Variants in ASXL2 observed in about 807,000 individuals in gnomAD.
The protein encoded by ASXL2 is putative Polycomb group protein ASXL2.
Under a neutral mutation model 122.0 loss-of-function variants are expected in ASXL2, and 23 were observed. That is an observed-to-expected ratio of 0.19 (90% confidence interval 0.14 to 0.27). ASXL2 has a LOEUF of 0.27. Among genes scored for constraint, ASXL2 ranks in the 10% least tolerant of loss-of-function variants. The pLI is 1.00. For missense variants in ASXL2, 1,518 were observed against 1,713.8 expected, an observed-to-expected ratio of 0.89 and a Z score of 2.02; for synonymous variants, 650 against 637.0, an observed-to-expected ratio of 1.02 and a Z score of -0.31.
Position 25,740,138 on chromosome 2 carries a change from T to A in ASXL2, c.*1891A>T. Reference sequence around the variant, plus strand: ...ACAGACATATCGTTCTGGCTGAAGCTGGAACACAGATATTAATCCTATATT... The same window carrying A: ...ACAGACATATCGTTCTGGCTGAAGCAGGAACACAGATATTAATCCTATATT... On this transcript the variant is annotated 3_prime_UTR_variant, in exon 13 of 13. Transcript: ENST00000435504. The A allele has an allele frequency of 8.9e-6, 2 of 223,964 alleles. No individual in the cohort carries two copies. 13.9% of individuals were successfully genotyped at this position (223,964 alleles called of 1,614,324 possible).
chr2:25,820,475 G>C (rs578016439), intron 3 of ASXL2, among the ~76,000 whole-genome samples: 2 of 152,190 alleles, frequency 1.3e-5, no homozygotes, highest in African/African-American at 4.8e-5. Flanking sequence ...AAGAAGTACT[G>C]ATCAATGCTA....
At position 25,743,066 on chromosome 2, in the gene ASXL2, C is replaced by T. The variant is rs749408482; in HGVS notation, c.3271G>A (p.Ala1091Thr). 15 of 1,613,984 alleles carry T rather than the reference C, an allele frequency of 9.3e-6. No homozygotes were observed. In the Admixed American group the frequency reaches 2.0e-4, roughly 22 times the overall value. The change falls in exon 13 of 13, where the codon GCT becomes ACT. Residue 1091 changes from alanine to threonine, a missense_variant. Transcript: ENST00000435504. ...SVVPPSQFNF[A>T]HSGFQLEDIS... ...TCTTCCAGCTGGAAACCTGAGTGAG[C>T]GAAGTTGAACTGTGAGGGCGGCACA... is the stretch of plus-strand genomic sequence containing the variant.
chr2:25,819,026 G>C (rs879897385), intron 3 of ASXL2, among the ~76,000 whole-genome samples: 9 of 152,146 alleles, frequency 5.9e-5, no homozygotes, highest in Non-Finnish European at 1.0e-4. Context: ...GTTGGGGAAG[G>C]CCACAGAACT....
chr2:25,859,390 C>T (rs1358195752), intron 1 of ASXL2, among the ~76,000 whole-genome samples: 1 of 152,106 alleles, frequency 6.6e-6, no homozygotes, highest in East Asian at 1.9e-4. Flanking sequence ...AAAAGTGTTA[C>T]CCTTAAAATA....
intron 5 of ASXL2, among the ~76,000 whole-genome samples, chr2:25,773,893 G>A (rs1205159967): frequency 4.0e-5 from 6 of 151,876 alleles, no homozygotes; most frequent in Non-Finnish European, 7.4e-5. Context: ...AGCTGGGTGT[G>A]GTGGCAGACA....
rs2149136515 is a variant in ASXL2, at chr2:25,743,152, G to A, written c.3185C>T (p.Thr1062Ile). The A allele has an allele frequency of 1.9e-6, 3 of 1,614,002 alleles. No homozygotes were observed. Among genetic ancestry groups the A allele is most frequent in the Non-Finnish European group, 2.5e-6 (3 of 1,179,894 alleles). Residue 1062 changes from threonine to isoleucine, a missense_variant, in exon 13 of 13, where the codon ACC becomes ATC. Physicochemically the swap from Thr to Ile is moderately conservative, Grantham distance 89. Transcript: ENST00000435504. Reference protein sequence around the residue: ...HQYHEGLSKATQDQILQTLIQ... With the variant: ...HQYHEGLSKAIQDQILQTLIQ... ...GAGAGTCTGAAGGATCTGATCTTGG[G>A]TTGCTTTACTTAGTCCTTCGTGGTA... is the stretch of plus-strand genomic sequence containing the variant.
At chr2:25,846,273 C>A (rs775134962) in intron 1 of ASXL2, among the ~76,000 whole-genome samples, 13 of 152,264 alleles carry the variant, frequency 8.5e-5, no homozygotes, top group Middle Eastern at 3.4e-3. Flanking sequence ...TTGCCCCAGG[C>A]AATCGCATGG....
At chr2:25,842,091 G>A (rs1439454624) in intron 2 of ASXL2, among the ~76,000 whole-genome samples, 13 of 146,964 alleles carry the variant, frequency 8.8e-5, no homozygotes, top group African/African-American at 3.0e-4. Flanking sequence ...CAGCCTGGGC[G>A]ACAAGAGCAA....
At chr2:25,798,361 G>A (rs1396868580) in intron 5 of ASXL2, among the ~76,000 whole-genome samples, 3 of 152,152 alleles carry the variant, frequency 2.0e-5, no homozygotes, top group Non-Finnish European at 4.4e-5. Context: ...ATCAACCCAT[G>A]AAGACACAGA....
At chr2:25,756,369 C>T (rs2088132853) in intron 9 of ASXL2, among the ~76,000 whole-genome samples, 1 of 150,374 alleles carries the variant, frequency 6.7e-6, no homozygotes, top group African/African-American at 2.4e-5. Flanking sequence ...TAAAAATCTA[C>T]TCACAGAACC....
At chr2:25,832,179 T>C (rs1013586178) in intron 3 of ASXL2, among the ~76,000 whole-genome samples, 4 of 152,202 alleles carry the variant, frequency 2.6e-5, no homozygotes, top group Non-Finnish European at 5.9e-5. Context: ...TTCTCATAAA[T>C]TTTATAAATC....
At chr2:25,800,604 C>T (rs930944909) in intron 4 of ASXL2, among the ~76,000 whole-genome samples, 14 of 152,262 alleles carry the variant, frequency 9.2e-5, no homozygotes, top group Admixed American at 8.5e-4. Context: ...AGGATAACTA[C>T]GTCAGCTTAG....
At chr2:25,865,118 A>T (rs551967839) in intron 1 of ASXL2, among the ~76,000 whole-genome samples, 156 of 151,076 alleles carry the variant, frequency 1.0e-3, no homozygotes, top group Middle Eastern at 0.01. Context: ...CCACCGCACC[A>T]GGCTAAAATT....
chr2:25,822,247 A>C (rs979361752), intron 3 of ASXL2, among the ~76,000 whole-genome samples: 2 of 152,134 alleles, frequency 1.3e-5, no homozygotes, highest in Admixed American at 1.3e-4. Flanking sequence ...CCCTTTTCCT[A>C]CACTTTTCTC....
chr2:25,755,062 T>C (rs1410401831), intron 10 of ASXL2, among the ~76,000 whole-genome samples: 2 of 152,236 alleles, frequency 1.3e-5, no homozygotes. Context: ...TACAAATGTA[T>C]ATATTTTAAA....
chr2:25,759,341 T>G, intron 9 of ASXL2, 141 bp downstream of exon 9: 3 of 799,108 alleles, frequency 3.8e-6, no homozygotes, highest in Non-Finnish European at 5.6e-6. Flanking sequence ...GGAGAATTTT[T>G]TTTTCCTAAG....
intron 3 of ASXL2, among the ~76,000 whole-genome samples, chr2:25,808,552 G>A (rs943550904): frequency 6.6e-6 from 1 of 152,100 alleles, no homozygotes; most frequent in Non-Finnish European, 1.5e-5. Flanking sequence ...GGCTGGTCTC[G>A]AACTCCTGAC....
chr2:25,849,030 A>T (rs2089684725), intron 1 of ASXL2, among the ~76,000 whole-genome samples: 1 of 100,244 alleles, frequency 1.0e-5, no homozygotes, highest in Non-Finnish European at 1.9e-5. Context: ...GGATGACAAG[A>T]GCGAAACTCC....
At chr2:25,822,904 A>T in intron 3 of ASXL2, 1 of 544,298 alleles carries the variant, frequency 1.8e-6, no homozygotes, top group Non-Finnish European at 3.7e-6. Flanking sequence ...GGAGCAGGTG[A>T]TGATTCACAA....
Sources: allele counts gnomAD v4.1 joint callset (sites outside exome capture counted in the v4.1 genomes callset), GRCh38; gene constraint gnomAD v4.1.1; transcripts MANE v1.5; gene names NCBI Gene and HGNC (gene_info 2026-07-23, HGNC 2026-07-21).